Variants in CREB5 observed in about 807,000 individuals in gnomAD.
The protein encoded by CREB5 is cAMP responsive element binding protein 5.
A neutral mutation model predicts 57.1 loss-of-function variants in CREB5; 19 were observed. The observed-to-expected ratio is 0.33, with a 90% CI of 0.23 to 0.49. CREB5 has a LOEUF of 0.49. CREB5 is among the 20% of genes least tolerant of loss of function. CREB5 has a pLI of 0.99. For synonymous variants in CREB5, 238 were observed against 238.3 expected (o/e 1.00, Z 0.01); for missense variants, 579 against 671.6 (o/e 0.86, Z 1.52).
intron 7 of CREB5, among the ~76,000 whole-genome samples, chr7:28,795,753 T>G (rs1204028879): frequency 7.0e-6 from 1 of 142,500 alleles, no homozygotes; most frequent in Admixed American, 6.8e-5. Context: ...CTGTTTTTCT[T>G]TCTTTTTTTT....
intron 9 of CREB5, among the ~76,000 whole-genome samples, chr7:28,816,025 A>G (rs1809416581): frequency 6.6e-6 from 1 of 151,708 alleles, no homozygotes; most frequent in Non-Finnish European, 1.5e-5. Context: ...TGCAAATAAT[A>G]TGACATTTCC....
chr7:28,571,592 G>A (rs1795706873), intron 5 of CREB5, among the ~76,000 whole-genome samples: 1 of 152,190 alleles, frequency 6.6e-6, no homozygotes, highest in Non-Finnish European at 1.5e-5. Flanking sequence ...GATGGAAAGA[G>A]CTTTCCCTTC....
chr7:28,611,945 G>A (rs41279), intron 5 of CREB5, among the ~76,000 whole-genome samples: 127,266 of 151,760 alleles, frequency 0.84, 53,429 homozygotes, highest in East Asian at 0.98. Context: ...AGAAAAGAAG[G>A]AAAAGTAAGT....
At chr7:28,557,281 A>G (rs893961597) in intron 4 of CREB5, among the ~76,000 whole-genome samples, 1 of 152,234 alleles carries the variant, frequency 6.6e-6, no homozygotes, top group Admixed American at 6.5e-5. Flanking sequence ...GAAACAGTGG[A>G]ATCTCACGGT....
intron 1 of CREB5, among the ~76,000 whole-genome samples, chr7:28,475,293 A>G (rs892061115): frequency 7.1e-5 from 7 of 99,028 alleles, no homozygotes; most frequent in South Asian, 3.6e-4. Flanking sequence ...TTTTTAGGCT[A>G]GGCGTGGTGG....
At chr7:28,520,336 C>T (rs1793152042) in intron 4 of CREB5, among the ~76,000 whole-genome samples, 1 of 152,218 alleles carries the variant, frequency 6.6e-6, no homozygotes, top group South Asian at 2.1e-4. Context: ...TTCCCTTTCA[C>T]ATTTGTCACT....
intron 1 of CREB5, among the ~76,000 whole-genome samples, chr7:28,331,219 T>G (rs1785710266): frequency 6.6e-6 from 1 of 152,096 alleles, no homozygotes; most frequent in African/African-American, 2.4e-5. Flanking sequence ...AGGAGCCCTT[T>G]TAGATTTTTT....
chr7:28,512,065 C>T (rs1037759260), intron 4 of CREB5, among the ~76,000 whole-genome samples: 3 of 152,048 alleles, frequency 2.0e-5, no homozygotes, highest in Non-Finnish European at 4.4e-5. Context: ...AGGATGAACC[C>T]GGGTATTTGG....
chr7:28,734,030 C>T (rs1371364137), intron 7 of CREB5, among the ~76,000 whole-genome samples: 1 of 151,988 alleles, frequency 6.6e-6, no homozygotes, highest in Non-Finnish European at 1.5e-5. Context: ...CAGATATCTA[C>T]GTTGGTACCT....
intron 1 of CREB5, among the ~76,000 whole-genome samples, chr7:28,430,961 A>G (rs1451697610): frequency 6.6e-6 from 1 of 152,160 alleles, no homozygotes; most frequent in Non-Finnish European, 1.5e-5. Flanking sequence ...GGTGATCCAC[A>G]CCAAGCTCAC....
chr7:28,614,687 T>C (rs1483718620), intron 5 of CREB5, among the ~76,000 whole-genome samples: 1 of 152,230 alleles, frequency 6.6e-6, no homozygotes, highest in Non-Finnish European at 1.5e-5. Flanking sequence ...TTTGTTATAA[T>C]TGTGGACAAA....
At chr7:28,617,755 C>A (rs146207066) in intron 5 of CREB5, among the ~76,000 whole-genome samples, 2 of 152,294 alleles carry the variant, frequency 1.3e-5, no homozygotes, top group African/African-American at 4.8e-5. Flanking sequence ...GGAAAAAGAG[C>A]AGCGCTCTAT....
chr7:28,453,812 T>C (rs1314002110), intron 1 of CREB5, among the ~76,000 whole-genome samples: 2 of 152,204 alleles, frequency 1.3e-5, no homozygotes, highest in African/African-American at 4.8e-5. Flanking sequence ...CCCAAGGGCA[T>C]TGCGATGAAA....
intron 5 of CREB5, among the ~76,000 whole-genome samples, chr7:28,595,997 C>G (rs1316745738): frequency 1.3e-5 from 2 of 152,162 alleles, no homozygotes; most frequent in Non-Finnish European, 2.9e-5. Context: ...CCATAGCACT[C>G]TAGGCCGAGA....
At position 28,570,548 on chromosome 7, in the gene CREB5, C is replaced by A. The variant is rs187764543; in HGVS notation, c.464+11C>A. The A allele has an allele frequency of 1.6e-4, 259 of 1,611,050 alleles. 2 individuals carry two copies. Among genetic ancestry groups the A allele is most frequent in the South Asian group, 1.0e-3 (93 of 90,676 alleles). On this transcript the variant is annotated intron_variant, in intron 5 of 10. Coordinates refer to ENST00000357727, the MANE Select transcript of CREB5 (RefSeq NM_182898.4). ...CAACCGCCAGATCGGGTAAGGAGCC[C>A]TCCTTGGCTGCCCCTGGGTCCTGGC...
chr7:28,797,449 T>C (rs1190743233), intron 7 of CREB5, among the ~76,000 whole-genome samples: 12 of 152,204 alleles, frequency 7.9e-5, no homozygotes, highest in Non-Finnish European at 1.5e-4. Context: ...GGAATATTTA[T>C]TTTTCTAGGT....
intron 3 of CREB5, among the ~76,000 whole-genome samples, chr7:28,502,177 A>G (rs542209650): frequency 1.3e-5 from 2 of 152,330 alleles, no homozygotes; most frequent in East Asian, 1.9e-4. Flanking sequence ...TTCACACTCA[A>G]TAAAAGGCAC....
chr7:28,380,643 C>T lies in CREB5; in HGVS notation c.-25+81202C>T, dbSNP rs1043132451. Among the ~76,000 whole-genome samples the T allele has an allele frequency of 2.6e-5, 4 of 152,104 alleles. No homozygotes were observed. The East Asian group carries it at 7.7e-4, about 29-fold the overall frequency. On this transcript the variant is annotated intron_variant, in intron 1 of 9. Coordinates refer to the CREB5 transcript ENST00000396299. Reference sequence around the variant, plus strand: ...GGAGGCAGTTCGGAGAAACTCTGACCCAGACTTGTAGTGTTTGTGGCTGCA... The same window carrying T: ...GGAGGCAGTTCGGAGAAACTCTGACTCAGACTTGTAGTGTTTGTGGCTGCA...
rs1303996357 is a variant in CREB5, at chr7:28,468,413, A to G, written c.4-19762A>G. On this transcript the variant is annotated intron_variant, in intron 1 of 10. Coordinates refer to ENST00000357727, the MANE Select transcript of CREB5 (RefSeq NM_182898.4). Reference sequence around the variant, plus strand: ...AAGATAACCTTGACTGTCCAAGTCCATGAGGACGAGGGCAAGCTTCGATGA... The same window carrying G: ...AAGATAACCTTGACTGTCCAAGTCCGTGAGGACGAGGGCAAGCTTCGATGA... 5.9e-5 allele frequency among the ~76,000 whole-genome samples: 9 copies of G among 152,346 alleles called. No homozygotes were observed. In the East Asian group the frequency reaches 1.5e-3, roughly 26 times the overall value.
Sources: gnomAD v4.1 joint callset for allele counts (sites outside exome capture counted in the v4.1 genomes callset) on GRCh38, gnomAD v4.1.1 for gene constraint, MANE v1.5 for transcripts, NCBI Gene and HGNC (gene_info 2026-07-23, HGNC 2026-07-21) for gene names.